The following PBX1 variants were observed in gnomAD, a reference collection of about 807,000 sequenced individuals.
PBX1 encodes pre-B-cell leukemia transcription factor 1.
A neutral mutation model predicts 53.4 loss-of-function variants in PBX1; 6 were observed. The ratio of observed to expected loss-of-function variants is 0.11; its 90% confidence interval spans 0.06 to 0.22. PBX1 has a LOEUF of 0.22. Among genes scored for constraint, PBX1 ranks in the 10% least tolerant of loss-of-function variants. The pLI is 1.00. For missense variants in PBX1, 251 were observed against 551.4 expected (o/e 0.46, Z 5.46); for synonymous variants, 204 against 212.3 (o/e 0.96, Z 0.34).
At chr1:164,813,672 G>A (rs139740268) in intron 6 of PBX1, 5 of 152,312 alleles carry the variant, frequency 3.3e-5, no homozygotes, top group African/African-American at 9.6e-5. Context: ...AATGCAAAAC[G>A]ATATCAAAAT....
chr1:164,573,349 T>G (rs895134349), intron 2 of PBX1, among the ~76,000 whole-genome samples: 9 of 152,202 alleles, frequency 5.9e-5, no homozygotes, highest in African/African-American at 2.2e-4. Context: ...ATAATACATC[T>G]TATTTAACTT....
chr1:164,877,209 A>G (rs1303586423), intron 2 of PBX1, among the ~76,000 whole-genome samples: 1 of 151,786 alleles, frequency 6.6e-6, no homozygotes, highest in African/African-American at 2.4e-5. Context: ...TGGTCCATTC[A>G]GATCAAAATC....
chr1:164,580,077 C>T (rs1654504471), intron 2 of PBX1, among the ~76,000 whole-genome samples: 2 of 152,070 alleles, frequency 1.3e-5, no homozygotes, highest in South Asian at 4.1e-4. Context: ...CAAGGAAATC[C>T]AGTGGAATCT....
At chr1:164,693,250 G>A (rs1166115684) in intron 2 of PBX1, among the ~76,000 whole-genome samples, 2 of 152,242 alleles carry the variant, frequency 1.3e-5, no homozygotes, top group African/African-American at 4.8e-5. Context: ...TTGCAGAAGG[G>A]AGGAAGTGTG....
chr1:164,619,513 G>A (rs1181075911), intron 2 of PBX1, among the ~76,000 whole-genome samples: 1 of 152,084 alleles, frequency 6.6e-6, no homozygotes, highest in Non-Finnish European at 1.5e-5. Context: ...ACAAGGCAGT[G>A]GGTGCTTTCT....
At chr1:164,682,218 T>C (rs1661816731) in intron 2 of PBX1, 1 of 152,242 alleles carries the variant, frequency 6.6e-6, no homozygotes, top group Non-Finnish European at 1.5e-5. Context: ...CTTTAATGCA[T>C]TACTAATTCA....
intron 2 of PBX1, among the ~76,000 whole-genome samples, chr1:164,685,885 C>T (rs1662064381): frequency 6.6e-6 from 1 of 152,102 alleles, no homozygotes; most frequent in South Asian, 2.1e-4. Flanking sequence ...TTGGAGAAAA[C>T]CTCAGACCAT....
At chr1:164,814,335 G>A (rs1041594715) in intron 6 of PBX1, 9 of 152,330 alleles carry the variant, frequency 5.9e-5, no homozygotes, top group Admixed American at 3.3e-4. Flanking sequence ...TATTTTGGCA[G>A]AGTTTGAAGT....
At chr1:164,667,331 A>AAT (rs1303168191) in intron 2 of PBX1, among the ~76,000 whole-genome samples, 1 of 151,722 alleles carries the variant, frequency 6.6e-6, no homozygotes, top group African/African-American at 2.4e-5. Flanking sequence ...TATAATCAGA[A>AAT]ATATATATAC....
intron 2 of PBX1, among the ~76,000 whole-genome samples, chr1:164,868,627 T>C (rs1240874998): frequency 6.6e-6 from 1 of 152,186 alleles, no homozygotes; most frequent in Non-Finnish European, 1.5e-5. Context: ...AAAATCTTTG[T>C]CTTCTGTCTC....
rs1052676464 is a variant in PBX1, at chr1:164,738,021, A to G, written c.266-54473A>G. Among the ~76,000 whole-genome samples the G allele has an allele frequency of 9.2e-5, 14 of 152,218 alleles. No individual in the cohort carries two copies. In the East Asian group the frequency reaches 2.7e-3, roughly 29 times the overall value. On this transcript the variant is annotated intron_variant, in intron 2 of 8. Coordinates refer to ENST00000420696, the MANE Select transcript of PBX1 (RefSeq NM_002585.4). ...TGTGTCATGCTTCATATATATATAT[A>G]TGGCTTTTCATGTGTAATCTAAAAA...
At chr1:164,701,982 G>T (rs902575369) in intron 2 of PBX1, among the ~76,000 whole-genome samples, 1 of 152,130 alleles carries the variant, frequency 6.6e-6, no homozygotes, top group African/African-American at 2.4e-5. Flanking sequence ...GCATGAAGGG[G>T]ACATGGAGAG....
At chr1:164,626,049 C>T in intron 2 of PBX1, 2 of 1,039,122 alleles carry the variant, frequency 1.9e-6, no homozygotes, top group East Asian at 5.7e-5. Context: ...CCCGTTACCC[C>T]CCAGCCCACA....
intron 2 of PBX1, among the ~76,000 whole-genome samples, chr1:164,739,806 T>C (rs1289032095): frequency 1.3e-5 from 2 of 151,356 alleles, no homozygotes; most frequent in African/African-American, 4.9e-5. Context: ...TATTATCTCC[T>C]TACACATTAG....
In PBX1 at chr1:164,559,972, T is replaced by G; in HGVS notation, c.150T>G (p.Ile50Met). The G allele has an allele frequency of 6.5e-7, 1 of 1,531,976 alleles. No homozygotes were observed. Among genetic ancestry groups the G allele is most frequent in the Non-Finnish European group, 8.8e-7 (1 of 1,136,302 alleles). 94.9% of individuals were successfully genotyped at this position (1,531,976 alleles called of 1,614,324 possible). Reference sequence around the variant, plus strand: ...ACATTGGAGACATTTTACAGCAAATTATGACCATCACAGACCAGAGTTTGG... The same window carrying G: ...ACATTGGAGACATTTTACAGCAAATGATGACCATCACAGACCAGAGTTTGG... The part of the protein sequence containing the change: ...KQDIGDILQQ[I>M]MTITDQSLDE... Residue 50 changes from isoleucine (I) to methionine (M), a missense_variant, in exon 1 of 9, where the codon ATT becomes ATG. Ile to Met is a conservative substitution (Grantham distance 10, BLOSUM62 1). Coordinates refer to ENST00000420696, the MANE Select transcript of PBX1 (RefSeq NM_002585.4).
chr1:164,878,496 T>C (rs146403985), intron 2 of PBX1, among the ~76,000 whole-genome samples: 2,242 of 152,246 alleles, frequency 0.015, 25 homozygotes, highest in Non-Finnish European at 0.023. Context: ...GACTGTGAAG[T>C]ATGCAGTCAC....
intron 2 of PBX1, chr1:164,642,939 T>TAG (rs1553222839): frequency 6.6e-6 from 1 of 152,190 alleles, no homozygotes; most frequent in African/African-American, 2.4e-5. Flanking sequence ...AGATAAAGTA[T>TAG]AGAAGCAACT....
intron 2 of PBX1, among the ~76,000 whole-genome samples, chr1:164,711,632 C>G (rs537280266): frequency 8.5e-5 from 13 of 152,272 alleles, no homozygotes; most frequent in African/African-American, 3.1e-4. Context: ...CTGTGTCAAG[C>G]CTGAGGAATG....
chr1:164,748,364 A>C (rs1221916483), intron 2 of PBX1, among the ~76,000 whole-genome samples: 1 of 152,112 alleles, frequency 6.6e-6, no homozygotes, highest in Non-Finnish European at 1.5e-5. Context: ...AGAGATAATT[A>C]AGTGGAAATA....
Sources: allele counts gnomAD v4.1 joint callset (sites outside exome capture counted in the v4.1 genomes callset), GRCh38; gene constraint gnomAD v4.1.1; transcripts MANE v1.5; gene names NCBI Gene and HGNC (gene_info 2026-07-23, HGNC 2026-07-21).